Variants in ABI3BP observed in about 807,000 individuals in gnomAD.
ABI3BP encodes ABI family member 3 binding protein, also known as target of Nesh-SH3.
In ABI3BP, 216 loss-of-function variants were observed where a neutral mutation model predicts 268.6. The ratio of observed to expected loss-of-function variants is 0.80; its 90% CI spans 0.72 to 0.90. The LOEUF (loss-of-function observed/expected upper bound fraction) is 0.90. Among genes scored for constraint, ABI3BP ranks in the 40% least tolerant of loss-of-function variants. The pLI, the probability that ABI3BP is intolerant of heterozygous loss-of-function variation, is 0.00. For synonymous variants in ABI3BP, 730 were observed against 730.0 expected (o/e 1.00, Z 0.00); for missense variants, 2,090 against 2,182.4 (o/e 0.96, Z 0.84).
At chr3:100,844,392 C>G in intron 20 of ABI3BP, 4 of 985,390 alleles carry the variant, frequency 4.1e-6, no homozygotes, top group Non-Finnish European at 4.8e-6. Flanking sequence ...GAGAAATGCG[C>G]TGAATTGTAC....
intron 55 of ABI3BP, among the ~76,000 whole-genome samples, chr3:100,791,581 T>C (rs1169685829): frequency 2.6e-5 from 4 of 151,886 alleles, no homozygotes; most frequent in African/African-American, 4.8e-5. Flanking sequence ...GGAACATCTG[T>C]TCATTGCTGA....
chr3:100,848,044 C>T (rs1176165693), intron 18 of ABI3BP, among the ~76,000 whole-genome samples: 1 of 152,160 alleles, frequency 6.6e-6, no homozygotes, highest in East Asian at 1.9e-4. Context: ...TCTGTATCTT[C>T]AACTCTTTCT....
chr3:100,853,106 T>C (rs1459715121), intron 14 of ABI3BP, among the ~76,000 whole-genome samples: 2 of 152,214 alleles, frequency 1.3e-5, no homozygotes, highest in African/African-American at 4.8e-5. Flanking sequence ...AGAAAGATAG[T>C]ATCAGACCAT....
At chr3:100,876,228 CA>C (rs1387622397) in intron 7 of ABI3BP, among the ~76,000 whole-genome samples, 1 of 152,134 alleles carries the variant, frequency 6.6e-6, no homozygotes, top group Non-Finnish European at 1.5e-5. Context: ...TAATCTTGGG[CA>C]AAGCTCCACA....
intron 50 of ABI3BP, among the ~76,000 whole-genome samples, chr3:100,807,362 A>G (rs1018371045): frequency 2.0e-5 from 3 of 151,936 alleles, no homozygotes; most frequent in Non-Finnish European, 4.4e-5. Context: ...TTAAAATTTC[A>G]TATTATTTGG....
intron 1 of ABI3BP, among the ~76,000 whole-genome samples, chr3:100,938,344 A>C (rs984196761): frequency 1.3e-5 from 2 of 151,978 alleles, no homozygotes; most frequent in African/African-American, 2.4e-5. Flanking sequence ...CAATAATTTA[A>C]CATTTTCTTT....
intron 4 of ABI3BP, among the ~76,000 whole-genome samples, chr3:100,894,710 AG>A (rs2046377811): frequency 6.6e-6 from 1 of 151,966 alleles, no homozygotes; most frequent in South Asian, 2.1e-4. Flanking sequence ...GAGGCCAAGG[AG>A]GGCAGATCAC....
At position 100,894,926 on chromosome 3, in the gene ABI3BP, G is replaced by C. The variant is rs867075133; in HGVS notation, c.461+3836C>G. 1.2e-4 allele frequency among the ~76,000 whole-genome samples: 7 copies of C among 60,258 alleles called. No homozygotes were observed. The South Asian group carries it at 1.6e-3, about 14-fold the overall frequency. The allele number at this position is 60,258 out of a possible 152,430, so 39.5% of individuals were successfully genotyped here. ...TGCACTCCAGCCTGGGCGACAGAGC[G>C]GGATTCCGCTTCAAAAAAAAAAAAA... On this transcript the variant is annotated intron_variant, in intron 4 of 67. Coordinates refer to ENST00000471714, the MANE Select transcript of ABI3BP (RefSeq NM_001375547.2).
rs912792765 is a variant in ABI3BP, at chr3:100,846,562, G to A, written c.1649-116C>T. On this transcript the variant is annotated intron_variant, in intron 19 of 67. Coordinates refer to ENST00000471714, the MANE Select transcript of ABI3BP (RefSeq NM_001375547.2). ...ATACATTAAATGGAATGAACTCATC[G>A]TCTTGGAAGATTTTGGAAATATTCC... 56 of 654,966 alleles carry A rather than the reference G, an allele frequency of 8.6e-5. No individual in the cohort carries two copies. In the East Asian group the frequency reaches 1.0e-3, roughly 12 times the overall value. The allele number at this position is 654,966 out of a possible 1,614,324, so 40.6% of individuals were successfully genotyped here. A position where few individuals can be genotyped will look rare whatever the true frequency, so the allele number is the denominator to read the frequency against.
chr3:100,841,412 G>T (rs2098700829), intron 21 of ABI3BP, among the ~76,000 whole-genome samples: 1 of 151,764 alleles, frequency 6.6e-6, no homozygotes, highest in African/African-American at 2.4e-5. Flanking sequence ...GTCCTCCCTG[G>T]CAATAAACAG....
intron 4 of ABI3BP, among the ~76,000 whole-genome samples, chr3:100,894,817 T>C (rs1403455026): frequency 2.0e-5 from 3 of 151,312 alleles, no homozygotes; most frequent in Non-Finnish European, 4.4e-5. Context: ...CCGGTGCCTG[T>C]AGTCCCAGCT....
At chr3:100,908,689 C>T (rs2054723908) in intron 2 of ABI3BP, among the ~76,000 whole-genome samples, 1 of 152,090 alleles carries the variant, frequency 6.6e-6, no homozygotes, top group Admixed American at 6.6e-5. Context: ...ACCTAGGAAT[C>T]AAACTTACAA....
chr3:100,925,789 C>T (rs992144813), intron 2 of ABI3BP, among the ~76,000 whole-genome samples: 1 of 151,966 alleles, frequency 6.6e-6, no homozygotes, highest in East Asian at 1.9e-4. Context: ...GACCCACATC[C>T]TCAATTTACA....
At chr3:100,944,959 A>C (rs575949280) in intron 1 of ABI3BP, among the ~76,000 whole-genome samples, 2 of 152,268 alleles carry the variant, frequency 1.3e-5, no homozygotes, top group South Asian at 4.1e-4. Flanking sequence ...GTTGTGGAAG[A>C]AGCAGGAGGG....
chr3:100,991,055 C>T (rs995712729), intron 1 of ABI3BP, among the ~76,000 whole-genome samples: 3 of 152,156 alleles, frequency 2.0e-5, no homozygotes, highest in Non-Finnish European at 4.4e-5. Context: ...ACTAGACATT[C>T]TCCCCTGTTC....
chr3:100,762,033 A>T (rs190590216), intron 63 of ABI3BP, among the ~76,000 whole-genome samples: 1 of 152,326 alleles, frequency 6.6e-6, no homozygotes, highest in Admixed American at 6.5e-5. Context: ...CTATTTCAAA[A>T]ATTCAACTTT....
chr3:100,835,198 G>T (rs1425667222), intron 28 of ABI3BP, among the ~76,000 whole-genome samples: 1 of 152,050 alleles, frequency 6.6e-6, no homozygotes, highest in Non-Finnish European at 1.5e-5. Context: ...TAAAATAGTT[G>T]GTAGACAATA....
chr3:100,968,102 C>G (rs569410325), intron 1 of ABI3BP, among the ~76,000 whole-genome samples: 28 of 152,288 alleles, frequency 1.8e-4, no homozygotes, highest in African/African-American at 6.5e-4. Flanking sequence ...ATAGAACAAT[C>G]TGGCCATACC....
At chr3:100,920,638 G>A (rs1468463904) in intron 2 of ABI3BP, among the ~76,000 whole-genome samples, 1 of 152,008 alleles carries the variant, frequency 6.6e-6, no homozygotes, top group Non-Finnish European at 1.5e-5. Context: ...GGACAGGCTG[G>A]TCTTGAACTC....
Sources: gnomAD v4.1 joint callset for allele counts (sites outside exome capture counted in the v4.1 genomes callset) on GRCh38, gnomAD v4.1.1 for gene constraint, MANE v1.5 for transcripts, NCBI Gene and HGNC (gene_info 2026-07-23, HGNC 2026-07-21) for gene names.